Variants in ARHGAP22 observed in about 807,000 individuals in gnomAD.
The protein encoded by ARHGAP22 is rho GTPase-activating protein 22.
In ARHGAP22, 48 loss-of-function variants were observed where a neutral mutation model predicts 59.1. The observed-to-expected ratio is 0.81, with a 90% confidence interval of 0.64 to 1.03. The LOEUF is 1.03. Among genes scored for constraint, ARHGAP22 ranks in the 50% least tolerant of loss-of-function variants. The pLI, the probability that ARHGAP22 is intolerant of heterozygous loss-of-function variation, is 0.00. For synonymous variants in ARHGAP22, 445 were observed against 416.4 expected (o/e 1.07, Z -0.84); for missense variants, 1,015 against 958.7 (o/e 1.06, Z -0.78).
At chr10:48,603,371 G>A (rs1325813860) in intron 1 of ARHGAP22, among the ~76,000 whole-genome samples, 1 of 152,188 alleles carries the variant, frequency 6.6e-6, no homozygotes, top group Non-Finnish European at 1.5e-5. Flanking sequence ...GTAAAAGAAT[G>A]TAAAACAGGT....
chr10:48,586,802 C>G (rs897703286), intron 1 of ARHGAP22, among the ~76,000 whole-genome samples: 1 of 152,200 alleles, frequency 6.6e-6, no homozygotes, highest in Non-Finnish European at 1.5e-5. Context: ...GACGTCTGCT[C>G]GCTCCATTTG....
chr10:48,613,235 A>G (rs1247333716), intron 1 of ARHGAP22, among the ~76,000 whole-genome samples: 1 of 152,094 alleles, frequency 6.6e-6, no homozygotes, highest in African/African-American at 2.4e-5. Context: ...TCATCATGAT[A>G]TGGCCTCAGT....
intron 2 of ARHGAP22, among the ~76,000 whole-genome samples, chr10:48,575,852 G>A (rs2058678596): frequency 6.6e-6 from 1 of 152,196 alleles, no homozygotes; most frequent in Non-Finnish European, 1.5e-5. Context: ...CCAGCATGGT[G>A]AGGATTTTCT....
At chr10:48,476,261 C>T (rs901314535) in intron 4 of ARHGAP22, among the ~76,000 whole-genome samples, 2 of 152,228 alleles carry the variant, frequency 1.3e-5, no homozygotes, top group Admixed American at 6.5e-5. Context: ...GTGGCCACAG[C>T]TTGGTGGGCT....
chr10:48,464,802 T>C (rs1213824090), intron 4 of ARHGAP22, among the ~76,000 whole-genome samples: 1 of 152,012 alleles, frequency 6.6e-6, no homozygotes, highest in Non-Finnish European at 1.5e-5. Flanking sequence ...ATCACACCTG[T>C]CTTTAGGGGG....
At chr10:48,629,113 T>C (rs956876213) in intron 1 of ARHGAP22, among the ~76,000 whole-genome samples, 3 of 152,224 alleles carry the variant, frequency 2.0e-5, no homozygotes, top group African/African-American at 7.2e-5. Flanking sequence ...CCCAGCCCTT[T>C]CAGCCTTTGC....
chr10:48,475,389 C>T (rs2048615907), intron 4 of ARHGAP22, among the ~76,000 whole-genome samples: 1 of 152,184 alleles, frequency 6.6e-6, no homozygotes, highest in African/African-American at 2.4e-5. Flanking sequence ...CTCTCTCTAG[C>T]CCAGTCCTCT....
In ARHGAP22 at chr10:48,446,457, C is replaced by CATT. The variant is rs751142678; in HGVS notation, c.2028_2030dup (p.Glu676_Met677insIle). The stretch of plus-strand genomic sequence containing the variant: ...TTCCTAGGGTCGAAAAAAACTCCTC[C>CATT]ATTTCCCTCTGCAACAGCTGGTTCC... On this transcript the variant is annotated inframe_insertion, in exon 10 of 10. Transcript: ENST00000249601. The CATT allele has an allele frequency of 6.2e-7, 1 of 1,614,220 alleles. No individual in the cohort carries two copies. Among genetic ancestry groups the CATT allele is most frequent in the Non-Finnish European group, 8.5e-7 (1 of 1,180,036 alleles).
Position 48,450,332 on chromosome 10 carries a change from T to C in ARHGAP22, c.1797A>G (p.Leu599=). 6.2e-7 allele frequency: 1 copy of C among 1,602,988 alleles called. No individual in the cohort carries two copies. Among genetic ancestry groups the C allele is most frequent in the Non-Finnish European group, 8.5e-7 (1 of 1,175,350 alleles). ...CCCTGAGCTCAGTGACCAGCCCCTG[T>C]AAGGCCTCGGAGCGGCGCGCGTGTT... ...TREHARRSEA[L]QGLVTELRAE... is the part of the protein sequence containing the mutation. The change falls in exon 9 of 10, where the codon TTA becomes TTG. Residue 599 remains leucine, a synonymous_variant. Coordinates refer to ENST00000249601, the MANE Select transcript of ARHGAP22 (RefSeq NM_021226.4).
intron 3 of ARHGAP22, among the ~76,000 whole-genome samples, chr10:48,496,688 G>T (rs2050969132): frequency 6.6e-6 from 1 of 152,142 alleles, no homozygotes; most frequent in Non-Finnish European, 1.5e-5. Flanking sequence ...CAGAATATCT[G>T]TAGGAAGACA....
intron 1 of ARHGAP22, among the ~76,000 whole-genome samples, chr10:48,615,566 A>C (rs2061047030): frequency 6.6e-6 from 1 of 152,202 alleles, no homozygotes. Context: ...GCAAAGAAAC[A>C]AAAAATATTG....
intron 3 of ARHGAP22, among the ~76,000 whole-genome samples, chr10:48,536,296 T>C (rs773850320): frequency 2.6e-5 from 4 of 151,910 alleles, no homozygotes; most frequent in Non-Finnish European, 4.4e-5. Flanking sequence ...AAATAGGGGG[T>C]TGAGCCTGTG....
intron 3 of ARHGAP22, among the ~76,000 whole-genome samples, chr10:48,522,088 C>T (rs1332349683): frequency 5.3e-5 from 8 of 152,262 alleles, no homozygotes; most frequent in Non-Finnish European, 7.3e-5. Context: ...CCCTTGGAGA[C>T]TTTGTACACT....
chr10:48,491,374 T>C (rs1299733271), intron 3 of ARHGAP22, among the ~76,000 whole-genome samples: 1 of 152,230 alleles, frequency 6.6e-6, no homozygotes, highest in Non-Finnish European at 1.5e-5. Flanking sequence ...GATATTACCT[T>C]CTTGGGGAAT....
In ARHGAP22 at chr10:48,450,480, T is replaced by C; in HGVS notation, c.1649A>G (p.Glu550Gly). 6.5e-7 allele frequency: 1 copy of C among 1,537,834 alleles called. No homozygotes were observed. The highest frequency in any genetic ancestry group is 1.2e-5 in the South Asian group (1 of 81,320). The change falls in exon 9 of 10, where the codon GAG becomes GGG. Residue 550 changes from glutamate to glycine, a missense_variant. Glu to Gly is a moderately conservative substitution (Grantham distance 98, BLOSUM62 -2). Transcript: ENST00000249601. ...GCTGCTGCTGGGGAGCGGGGAGGGC[T>C]CCAGGGCCCAGTCGGTGTGCAGGGA... is the stretch of plus-strand genomic sequence containing the variant. ...RSSLHTDWAL[E>G]PSPLPSSSED...
intron 2 of ARHGAP22, among the ~76,000 whole-genome samples, chr10:48,565,925 G>A (rs943335710): frequency 2.0e-5 from 3 of 152,194 alleles, no homozygotes; most frequent in African/African-American, 7.2e-5. Flanking sequence ...TCCTAGCATG[G>A]TGAAGGCAGG....
intron 3 of ARHGAP22, among the ~76,000 whole-genome samples, chr10:48,495,575 G>A (rs887274658): frequency 3.9e-5 from 6 of 152,350 alleles, no homozygotes; most frequent in Middle Eastern, 3.4e-3. Flanking sequence ...CAGTCTGGCT[G>A]CAGAGTGGGT....
At chr10:48,611,480 A>G (rs1315827148) in intron 1 of ARHGAP22, among the ~76,000 whole-genome samples, 1 of 151,872 alleles carries the variant, frequency 6.6e-6, no homozygotes, top group Non-Finnish European at 1.5e-5. Context: ...CCCTTCCCCA[A>G]CCGTACCAAC....
chr10:48,607,465 A>G (rs1479686099), upstream of ARHGAP22, among the ~76,000 whole-genome samples: 4 of 152,156 alleles, frequency 2.6e-5, no homozygotes, highest in Non-Finnish European at 5.9e-5. Context: ...TGAAGGGTCC[A>G]CAGAGGCAGG....
Sources: allele counts gnomAD v4.1 joint callset (sites outside exome capture counted in the v4.1 genomes callset), GRCh38; gene constraint gnomAD v4.1.1; transcripts MANE v1.5; gene names NCBI Gene and HGNC (gene_info 2026-07-23, HGNC 2026-07-21).